SYT14: variants seen among roughly 807,000 people sequenced by gnomAD.
SYT14 encodes synaptotagmin-14.
SYT14 carries 32 observed loss-of-function variants against 74.2 expected under a neutral mutation model. That is an observed-to-expected ratio of 0.43 (90% confidence interval 0.33 to 0.58). The LOEUF is 0.58. Ranked by LOEUF, SYT14 falls within the 20% of genes least tolerant of loss-of-function variation. The pLI, the probability that SYT14 is intolerant of heterozygous loss-of-function variation, is 0.05. For missense variants in SYT14, 791 were observed against 981.8 expected, an observed-to-expected ratio of 0.81 and a Z score of 2.60; for synonymous variants, 298 against 337.7, an observed-to-expected ratio of 0.88 and a Z score of 1.29.
At chr1:210,003,466 T>G (rs994231289) in intron 2 of SYT14, among the ~76,000 whole-genome samples, 3 of 152,196 alleles carry the variant, frequency 2.0e-5, no homozygotes, top group African/African-American at 7.2e-5. Flanking sequence ...TCTGTTATTC[T>G]AATGGAGTTT....
At chr1:210,100,223 A>G (rs1296611324) in exon 7 of SYT14, 1 of 1,614,092 alleles carries the variant, frequency 6.2e-7, no homozygotes, top group East Asian at 2.2e-5. Flanking sequence ...CCTATAAAGA[A>G]ACAGAGAGCA....
At chr1:210,004,428 A>G (rs1416939491) in intron 2 of SYT14, among the ~76,000 whole-genome samples, 1 of 152,068 alleles carries the variant, frequency 6.6e-6, no homozygotes, top group Non-Finnish European at 1.5e-5. Context: ...CCTAACTAAG[A>G]TGGATACCAC....
chr1:210,059,539 A>G (rs1233453645), intron 5 of SYT14, among the ~76,000 whole-genome samples: 2 of 151,374 alleles, frequency 1.3e-5, no homozygotes, highest in African/African-American at 4.9e-5. Flanking sequence ...CAACTGAAAT[A>G]ATTACTGTCA....
rs1168074944 is a variant in SYT14, at chr1:210,064,362, TTAAC to T, written c.1313-29957_1313-29954del. ...TCACAATGTTATGCAACCATCACTA[TTAAC>T]TATTTCCAGAACTTTTTTATCTTCC... On this transcript the variant is annotated intron_variant, in intron 5 of 9. Coordinates refer to ENST00000637265, the Ensembl canonical transcript of SYT14. 1.4e-4 allele frequency among the ~76,000 whole-genome samples: 22 copies of T among 152,140 alleles called. 1 individual carries two copies. The South Asian group carries it at 4.1e-3, about 29-fold the overall frequency.
chr1:210,024,311 T>C (rs879281811), intron 5 of SYT14, among the ~76,000 whole-genome samples: 2 of 152,090 alleles, frequency 1.3e-5, no homozygotes, highest in Non-Finnish European at 2.9e-5. Flanking sequence ...GGGTAGTATA[T>C]GTGGAAAATG....
At chr1:210,017,172 C>A in intron 4 of SYT14, 3 of 1,063,850 alleles carry the variant, frequency 2.8e-6, no homozygotes, top group Non-Finnish European at 3.6e-6. Context: ...AAACATCATC[C>A]AAATTTCTCA....
intron 7 of SYT14, among the ~76,000 whole-genome samples, chr1:210,127,076 C>T (rs1180038662): frequency 6.6e-6 from 1 of 151,964 alleles, no homozygotes; most frequent in East Asian, 1.9e-4. Context: ...ACAGGTAGTC[C>T]CTACCTAATG....
chr1:210,149,747 T>G (rs1558223790), intron 7 of SYT14, among the ~76,000 whole-genome samples: 1 of 152,204 alleles, frequency 6.6e-6, no homozygotes, highest in Non-Finnish European at 1.5e-5. Context: ...ATCGTGATTC[T>G]GTTTCATTGA....
intron 5 of SYT14, among the ~76,000 whole-genome samples, chr1:210,089,832 G>A (rs537518949): frequency 3.9e-5 from 6 of 152,294 alleles, no homozygotes; most frequent in East Asian, 1.9e-4. Flanking sequence ...AGCAATGAAC[G>A]CATAGATTTA....
At chr1:210,070,974 C>CAG (rs10682575) in intron 5 of SYT14, among the ~76,000 whole-genome samples, 83,668 of 141,260 alleles carry the variant, frequency 0.59, 25,806 homozygotes, top group African/African-American at 0.82. Flanking sequence ...TGAGGAAAAA[C>CAG]AGACTAAACA....
At chr1:210,056,871 T>G (rs1433142978) in intron 5 of SYT14, among the ~76,000 whole-genome samples, 1 of 140,506 alleles carries the variant, frequency 7.1e-6, no homozygotes, top group Non-Finnish European at 1.5e-5. Flanking sequence ...TGAGACTCAG[T>G]CTTGCTCTGT....
At chr1:210,030,245 G>T (rs2080501926) in intron 5 of SYT14, among the ~76,000 whole-genome samples, 4 of 151,820 alleles carry the variant, frequency 2.6e-5, no homozygotes, top group Non-Finnish European at 5.9e-5. Context: ...GAGTTCAAGT[G>T]ATTTTCCTTC....
At chr1:210,094,579 G>A (rs2081935985) in exon 6 of SYT14, 1 of 1,613,892 alleles carries the variant, frequency 6.2e-7, no homozygotes, top group South Asian at 1.1e-5. Context: ...CAGCACTGCA[G>A]TCCTGAGCCC....
chr1:210,171,360 C>A (rs1483568009), exon 10 of SYT14: 1 of 149,824 alleles, frequency 6.7e-6, no homozygotes, highest in Non-Finnish European at 1.5e-5. Context: ...TTATCCAGAG[C>A]CTTTTTTAGT....
At chr1:209,986,376 C>T (rs1335876627) in intron 2 of SYT14, among the ~76,000 whole-genome samples, 1 of 152,080 alleles carries the variant, frequency 6.6e-6, no homozygotes, top group African/African-American at 2.4e-5. Context: ...GAGGCCAAGG[C>T]AGGTGGATCA....
At chr1:210,137,736 G>A (rs924771734) in intron 7 of SYT14, among the ~76,000 whole-genome samples, 4 of 147,982 alleles carry the variant, frequency 2.7e-5, no homozygotes, top group East Asian at 4.0e-4. Flanking sequence ...GCTGGAGTGC[G>A]GTGGCGCAAT....
In SYT14 at chr1:210,169,796, C is replaced by T. The variant is rs1483078998; in HGVS notation, c.*8754C>T. On this transcript the variant is annotated 3_prime_UTR_variant, in exon 10 of 10. Coordinates refer to ENST00000637265, the Ensembl canonical transcript of SYT14. ...TAAGGGTCTTGATAAATGTTGGGAC[C>T]TACTCTAAAACTCATGAGGTTCCTC... 2.6e-5 allele frequency: 4 copies of T among 151,944 alleles called. 1 individual carries two copies. Among genetic ancestry groups the T allele is most frequent in the Admixed American group, 2.6e-4 (4 of 15,250 alleles). The allele number at this position is 151,944 out of a possible 1,614,324, so 9.4% of individuals were successfully genotyped here.
chr1:210,000,613 C>CTTTTTTTT (rs71146203), intron 2 of SYT14, among the ~76,000 whole-genome samples: 2 of 105,424 alleles, frequency 1.9e-5, no homozygotes, highest in African/African-American at 7.5e-5. Context: ...TTTATGCCTT[C>CTTTTTTTT]TTTTTTTTTT....
intron 5 of SYT14, among the ~76,000 whole-genome samples, chr1:210,038,450 T>A (rs1055114376): frequency 1.3e-5 from 2 of 152,146 alleles, no homozygotes; most frequent in Non-Finnish European, 2.9e-5. Context: ...GGGTTTCTTC[T>A]TGTCATAATG....
Sources: gnomAD v4.1 joint callset for allele counts (sites outside exome capture counted in the v4.1 genomes callset) on GRCh38, gnomAD v4.1.1 for gene constraint, MANE v1.5 for transcripts, NCBI Gene and HGNC (gene_info 2026-07-23, HGNC 2026-07-21) for gene names.